The following ZDHHC9 variants were observed in gnomAD, a reference collection of about 807,000 sequenced individuals.
ZDHHC9 encodes zDHHC palmitoyltransferase 9.
In ZDHHC9, 3 loss-of-function variants were observed where a neutral mutation model predicts 26.6. That is an observed-to-expected ratio of 0.11 (90% confidence interval 0.05 to 0.29). ZDHHC9 has a LOEUF of 0.29. Ranked by LOEUF, ZDHHC9 falls within the 10% of genes least tolerant of loss-of-function variation. The pLI is 1.00. For synonymous variants in ZDHHC9, 111 were observed against 109.4 expected (o/e 1.01, Z -0.09); for missense variants, 146 against 296.4 (o/e 0.49, Z 3.73).
Position 129,814,646 on chromosome X carries a change from C to T in ZDHHC9, c.625+12G>A. 1 of 1,211,149 alleles carries T rather than the reference C, an allele frequency of 8.3e-7. No individual in the cohort carries two copies. Among genetic ancestry groups the T allele is most frequent in the Non-Finnish European group, 1.1e-6 (1 of 895,209 alleles). ...CCCCACTCCAACAACGGACACTGCC[C>T]TGTATACTCACTGAGGGCCACATAG... On this transcript the variant is annotated intron_variant, in intron 6 of 10. Coordinates refer to ENST00000357166, the MANE Select transcript of ZDHHC9 (RefSeq NM_016032.4).
intron 10 of ZDHHC9, 121 bp downstream of exon 10, chrX:129,810,784 C>T: frequency 3.5e-6 from 2 of 574,121 alleles, no homozygotes; most frequent in South Asian, 4.8e-5. Context: ...AACATCAGGG[C>T]AGGTGTAGAG....
chrX:129,834,146 A>G (rs1250605484), intron 3 of ZDHHC9, among the ~76,000 whole-genome samples: 2 of 111,491 alleles, frequency 1.8e-5, no homozygotes, highest in Non-Finnish European at 3.8e-5. Context: ...CCCCTTTGGC[A>G]AGGGAGAGAA....
chrX:129,829,477 T>C (rs1232750853), intron 3 of ZDHHC9, among the ~76,000 whole-genome samples: 1 of 112,026 alleles, frequency 8.9e-6, no homozygotes, highest in Non-Finnish European at 1.9e-5. Flanking sequence ...GGGAAGCAAC[T>C]GAACCTGGAT....
At chrX:129,823,328 C>T in intron 5 of ZDHHC9, 1 of 225,787 alleles carries the variant, frequency 4.4e-6, no homozygotes, top group Non-Finnish European at 8.0e-6. Context: ...TTCCTCAATG[C>T]TGCCCTCCAG....
chrX:129,811,361 G>A (rs780647345), intron 9 of ZDHHC9, 45 bp downstream of exon 9: 63 of 1,089,454 alleles, frequency 5.8e-5, no homozygotes, highest in Non-Finnish European at 7.6e-5. Context: ...ATCAGGTTGA[G>A]CTGCTCATCC....
At chrX:129,831,484 G>A (rs773321790) in intron 3 of ZDHHC9, among the ~76,000 whole-genome samples, 22 of 111,677 alleles carry the variant, frequency 2.0e-4, no homozygotes, top group African/African-American at 6.8e-4. Context: ...ATGCTGCCCC[G>A]CTGCACAGAA....
chrX:129,827,274 GGGAGGGAGGGAGGGAA>G (rs1928038654), intron 4 of ZDHHC9, among the ~76,000 whole-genome samples: 1 of 88,483 alleles, frequency 1.1e-5, no homozygotes, highest in Non-Finnish European at 2.2e-5. Context: ...AAGGAAGGGA[GGGAGGGAGGGAGGGAA>G]GGAGGGAGGG....
chrX:129,813,111 A>G (rs1057434658), intron 7 of ZDHHC9, among the ~76,000 whole-genome samples: 5 of 112,458 alleles, frequency 4.4e-5, no homozygotes, highest in Non-Finnish European at 9.4e-5. Context: ...ATCACTGCCA[A>G]TGGAAATTCT....
chrX:129,841,644 CT>C (rs1928383810), intron 3 of ZDHHC9, 134 bp downstream of exon 3: 1 of 769,502 alleles, frequency 1.3e-6, no homozygotes, highest in African/African-American at 2.1e-5. Context: ...ATGAATTCAG[CT>C]GGCATCTCTA....
chrX:129,803,915 G>C lies in ZDHHC9; in HGVS notation c.*2455C>G, dbSNP rs1927452129. The C allele has an allele frequency of 1.8e-5, 2 of 112,171 alleles. No individual in the cohort carries two copies. The highest frequency in any genetic ancestry group is 6.5e-5 in the African/African-American group (2 of 30,845). 9.2% of individuals were successfully genotyped at this position (112,171 alleles called of 1,213,427 possible). ...GATTCTTTAATCTCCCCTCTGATCA[G>C]ATAGGGACAGTCCCAGCTGGTGCAT... On this transcript the variant is annotated 3_prime_UTR_variant, in exon 11 of 11. Coordinates refer to ENST00000357166, the MANE Select transcript of ZDHHC9 (RefSeq NM_016032.4).
chrX:129,827,472 G>A (rs1443548623), intron 4 of ZDHHC9, among the ~76,000 whole-genome samples: 1 of 110,588 alleles, frequency 9.0e-6, no homozygotes, highest in Non-Finnish European at 1.9e-5. Context: ...AGCTACCTGG[G>A]TACCAAACCT....
At chrX:129,826,365 T>C (rs1226712339) in intron 4 of ZDHHC9, among the ~76,000 whole-genome samples, 1 of 111,267 alleles carries the variant, frequency 9.0e-6, no homozygotes, top group South Asian at 3.8e-4. Context: ...GCATACCCAG[T>C]ACAGGACTGA....
chrX:129,818,898 C>T (rs1927815888), intron 5 of ZDHHC9, among the ~76,000 whole-genome samples: 1 of 111,020 alleles, frequency 9.0e-6, no homozygotes, highest in South Asian at 3.7e-4. Context: ...TTGGGCCAGG[C>T]GTGGTGGCTC....
At chrX:129,832,321 A>T (rs748339924) in intron 3 of ZDHHC9, among the ~76,000 whole-genome samples, 1 of 111,244 alleles carries the variant, frequency 9.0e-6, no homozygotes, top group East Asian at 2.8e-4. Flanking sequence ...CAAAGTCAGG[A>T]GTATCCTCAA....
chrX:129,814,921 GTTTT>G (rs749489279), intron 5 of ZDHHC9, 126 bp from the exon 6 acceptor site: 39 of 557,557 alleles, frequency 7.0e-5, no homozygotes, highest in East Asian at 4.9e-4. Flanking sequence ...AAAATATAGG[GTTTT>G]TTTTTTTTTT....
rs139787972 is a variant in ZDHHC9 at position 129,823,475 on chromosome X, G to A, written c.487+204C>T. The A allele has an allele frequency of 0.023, 9,923 of 422,512 alleles. 114 individuals carry two copies. Among genetic ancestry groups the A allele is most frequent in the Non-Finnish European group, 0.03 (7,454 of 247,531 alleles). The allele number at this position is 422,512 out of a possible 1,213,427, so 34.8% of individuals were successfully genotyped here. On this transcript the variant is annotated intron_variant, in intron 5 of 10. Transcript: ENST00000357166. ...GGTTTTTGTAAAGTTTAGGCTAGAG[G>A]ATATTTAAATTTTGATTTGATCTAC...
Position 129,839,336 on chromosome X carries a change from G to A in ZDHHC9, c.167+2443C>T, listed in dbSNP as rs1928328535. Reference sequence around the variant, plus strand: ...AGGGATTCTCCTGCCTCAGCCTTCCGAGTAGCTGGGACTACAGGCGCACAA... The same window carrying A: ...AGGGATTCTCCTGCCTCAGCCTTCCAAGTAGCTGGGACTACAGGCGCACAA... On this transcript the variant is annotated intron_variant, in intron 3 of 10. Coordinates refer to ENST00000357166, the MANE Select transcript of ZDHHC9 (RefSeq NM_016032.4). Among the ~76,000 whole-genome samples the A allele has an allele frequency of 2.8e-5, 3 of 108,021 alleles. 1 individual carries two copies. The highest frequency in any genetic ancestry group is 2.0e-4 in the Admixed American group (2 of 10,008). The allele number at this position is 108,021 out of a possible 115,157, so 93.8% of individuals were successfully genotyped here.
chrX:129,834,004 T>C (rs1303992711), intron 3 of ZDHHC9, among the ~76,000 whole-genome samples: 1 of 112,499 alleles, frequency 8.9e-6, no homozygotes, highest in African/African-American at 3.2e-5. Flanking sequence ...AAAATTCATA[T>C]GTTGAAATCT....
chrX:129,806,990 AC>A (rs200157991), intron 10 of ZDHHC9, among the ~76,000 whole-genome samples: 4,587 of 112,018 alleles, frequency 0.041, 238 homozygotes, highest in African/African-American at 0.14. Context: ...AGAATAACTA[AC>A]CTAGATTGTT....
Sources: allele counts gnomAD v4.1 joint callset (sites outside exome capture counted in the v4.1 genomes callset), GRCh38; gene constraint gnomAD v4.1.1; transcripts MANE v1.5; gene names NCBI Gene and HGNC (gene_info 2026-07-23, HGNC 2026-07-21).